The following DIP2C variants were observed in gnomAD, a reference collection of about 807,000 sequenced individuals.
The protein encoded by DIP2C is DIP2 acetate--CoA ligase C (putative).
In DIP2C, 33 loss-of-function variants were observed where a neutral mutation model predicts 192.4. That is an observed-to-expected ratio of 0.17 (90% CI 0.13 to 0.23). The LOEUF (loss-of-function observed/expected upper bound fraction) is 0.23. DIP2C is among the 10% of genes least tolerant of loss of function. DIP2C has a pLI of 1.00. For missense variants in DIP2C, 1,537 were observed against 2,110.1 expected (o/e 0.73, Z 5.32); for synonymous variants, 979 against 864.1 (o/e 1.13, Z -2.33).
intron 32 of DIP2C, among the ~76,000 whole-genome samples, chr10:296,411 G>A (rs1955755126): frequency 6.6e-6 from 1 of 150,382 alleles, no homozygotes; most frequent in South Asian, 2.1e-4. Context: ...AGGGTATGGA[G>A]AAACAGGGAC....
intron 3 of DIP2C, among the ~76,000 whole-genome samples, chr10:465,139 T>C (rs1227115831): frequency 1.6e-5 from 2 of 121,270 alleles, no homozygotes; most frequent in Non-Finnish European, 3.4e-5. Context: ...AAATCCTCAA[T>C]AAAATACTGG....
At chr10:308,032 C>T (rs1956406486) in intron 32 of DIP2C, among the ~76,000 whole-genome samples, 1 of 136,374 alleles carries the variant, frequency 7.3e-6, no homozygotes, top group Admixed American at 7.2e-5. Context: ...TGGAGGGCAG[C>T]AGGGAGGGTT....
At chr10:392,178 C>T (rs116987876) in intron 10 of DIP2C, among the ~76,000 whole-genome samples, 9 of 152,162 alleles carry the variant, frequency 5.9e-5, no homozygotes, top group Non-Finnish European at 5.9e-5. Context: ...GCAAACGTCC[C>T]GACTCTTGAA....
intron 22 of DIP2C, among the ~76,000 whole-genome samples, chr10:359,786 T>C (rs577756150): frequency 6.6e-6 from 1 of 152,258 alleles, no homozygotes; most frequent in African/African-American, 2.4e-5. Context: ...GAATGAAGCA[T>C]CTTTAACAGA....
At chr10:589,334 T>C (rs1374282115) in intron 1 of DIP2C, among the ~76,000 whole-genome samples, 2 of 152,210 alleles carry the variant, frequency 1.3e-5, no homozygotes, top group Non-Finnish European at 2.9e-5. Context: ...AGTTTAATTT[T>C]GATGAAGTCT....
At chr10:486,925 T>C (rs79310533) in intron 1 of DIP2C, among the ~76,000 whole-genome samples, 2,424 of 152,306 alleles carry the variant, frequency 0.016, 67 homozygotes, top group African/African-American at 0.055. Flanking sequence ...CAGCACCTAT[T>C]GGCATCTTCT....
At chr10:581,607 T>C (rs901003575) in intron 1 of DIP2C, among the ~76,000 whole-genome samples, 2 of 151,774 alleles carry the variant, frequency 1.3e-5, no homozygotes, top group African/African-American at 2.4e-5. Context: ...CTTGAAGTAA[T>C]GGGTTCCATT....
At chr10:572,908 G>A (rs1448165190) in intron 1 of DIP2C, among the ~76,000 whole-genome samples, 2 of 152,138 alleles carry the variant, frequency 1.3e-5, no homozygotes, top group African/African-American at 2.4e-5. Flanking sequence ...CCGGAAGATT[G>A]CCATCTCGCA....
rs536839152 is a variant in DIP2C at position 343,308 on chromosome 10, A to C, written c.3453+1501T>G. ...CATCTCAAACAAAAAAACATGTCACAAGTTGATCTGAAGTAGAATGTCACC... is the reference window on the plus strand; with the variant it reads ...CATCTCAAACAAAAAAACATGTCACCAGTTGATCTGAAGTAGAATGTCACC... On this transcript the variant is annotated intron_variant, in intron 28 of 36. Coordinates refer to ENST00000280886, the MANE Select transcript of DIP2C (RefSeq NM_014974.3). 5.9e-5 allele frequency among the ~76,000 whole-genome samples: 9 copies of C among 152,298 alleles called. No individual in the cohort carries two copies. In the South Asian group the frequency reaches 1.7e-3, roughly 28 times the overall value.
At chr10:300,515 A>G (rs1353242428) in intron 32 of DIP2C, among the ~76,000 whole-genome samples, 1 of 152,178 alleles carries the variant, frequency 6.6e-6, no homozygotes, top group Non-Finnish European at 1.5e-5. Context: ...TAGAGATTTA[A>G]TGAGGACAAT....
chr10:334,953 T>C (rs1957686312), intron 29 of DIP2C, among the ~76,000 whole-genome samples: 1 of 152,192 alleles, frequency 6.6e-6, no homozygotes, highest in Non-Finnish European at 1.5e-5. Context: ...TATCAATTTC[T>C]GCCCCAAAAA....
chr10:455,157 G>A (rs11252526), intron 3 of DIP2C, among the ~76,000 whole-genome samples: 24,553 of 152,170 alleles, frequency 0.16, 5,091 homozygotes, highest in African/African-American at 0.48. Flanking sequence ...GAGCCAGGCC[G>A]CACCGGTTCA....
In DIP2C at chr10:275,464, G is replaced by C. The variant is rs1385601390; in HGVS notation, c.*1861C>G. The C allele has an allele frequency of 7.4e-6, 1 of 135,530 alleles. No homozygotes were observed. The highest frequency in any genetic ancestry group is 1.5e-5 in the Non-Finnish European group (1 of 65,182). The allele number at this position is 135,530 out of a possible 1,614,324, so 8.4% of individuals were successfully genotyped here. Reference sequence around the variant, plus strand: ...CATATGCAGACACATTTTTTTAAATGTGCCACTTTTTTTTTTTTTTTTTTT... The same window carrying C: ...CATATGCAGACACATTTTTTTAAATCTGCCACTTTTTTTTTTTTTTTTTTT... On this transcript the variant is annotated 3_prime_UTR_variant, in exon 37 of 37. Coordinates refer to ENST00000280886, the MANE Select transcript of DIP2C (RefSeq NM_014974.3).
chr10:541,219 C>T (rs1269705539), intron 1 of DIP2C, among the ~76,000 whole-genome samples: 1 of 152,162 alleles, frequency 6.6e-6, no homozygotes, highest in Non-Finnish European at 1.5e-5. Flanking sequence ...CTGAGTCCGG[C>T]CACCACCGCC....
intron 1 of DIP2C, among the ~76,000 whole-genome samples, chr10:541,936 C>G (rs1317562203): frequency 6.6e-6 from 1 of 150,930 alleles, no homozygotes; most frequent in Non-Finnish European, 1.5e-5. Flanking sequence ...CGCTGTGTGC[C>G]TGGTGCACTG....
chr10:556,713 G>A (rs1049393248), intron 1 of DIP2C, among the ~76,000 whole-genome samples: 2 of 151,976 alleles, frequency 1.3e-5, no homozygotes, highest in African/African-American at 4.8e-5. Context: ...GGAATCAACA[G>A]CCCCAGACTC....
intron 3 of DIP2C, among the ~76,000 whole-genome samples, chr10:471,616 C>T (rs925356521): frequency 3.3e-5 from 5 of 152,156 alleles, no homozygotes; most frequent in Admixed American, 3.3e-4. Context: ...CCATCACCAG[C>T]GATCGCCCCT....
At chr10:413,888 G>T in intron 8 of DIP2C, 25 bp downstream of exon 8, 1 of 1,607,772 alleles carries the variant, frequency 6.2e-7, no homozygotes, top group Non-Finnish European at 8.5e-7. Context: ...GTGGGCAAAG[G>T]GCAGAGAGTG....
chr10:601,986 T>C (rs754631979), intron 1 of DIP2C, among the ~76,000 whole-genome samples: 2 of 151,942 alleles, frequency 1.3e-5, no homozygotes, highest in African/African-American at 2.4e-5. Context: ...GAATGGGTGT[T>C]TGAAGTCCTG....
Sources: allele counts gnomAD v4.1 joint callset (sites outside exome capture counted in the v4.1 genomes callset), GRCh38; gene constraint gnomAD v4.1.1; transcripts MANE v1.5; gene names NCBI Gene and HGNC (gene_info 2026-07-23, HGNC 2026-07-21).